Variants in PRKG1 observed in about 807,000 individuals in gnomAD.
PRKG1 encodes the protein protein kinase cGMP-dependent 1, also known as cGMP-dependent protein kinase 1.
A neutral mutation model predicts 88.1 loss-of-function variants in PRKG1; 35 were observed. The ratio of observed to expected loss-of-function variants is 0.40; its 90% CI spans 0.30 to 0.53. PRKG1 has a LOEUF of 0.53. PRKG1 is among the 20% of genes least tolerant of loss of function. PRKG1 has a pLI of 0.59. For missense variants in PRKG1, 540 were observed against 839.8 expected (o/e 0.64, Z 4.41); for synonymous variants, 303 against 292.5 (o/e 1.04, Z -0.37).
chr10:51,921,023 T>A (rs1374358925), intron 5 of PRKG1, among the ~76,000 whole-genome samples: 1 of 152,102 alleles, frequency 6.6e-6, no homozygotes, highest in Non-Finnish European at 1.5e-5. Flanking sequence ...ACAGTTCTAT[T>A]CTTTGGGTTT....
At chr10:51,785,709 T>C (rs181067997) in intron 3 of PRKG1, among the ~76,000 whole-genome samples, 15 of 152,212 alleles carry the variant, frequency 9.9e-5, no homozygotes, top group African/African-American at 3.6e-4. Flanking sequence ...CCTGTCAACA[T>C]GATGCCATGC....
At chr10:51,553,852 CGTGTATATAATAT>C in intron 3 of PRKG1, among the ~76,000 whole-genome samples, 2 of 97,702 alleles carry the variant, frequency 2.0e-5, no homozygotes, top group African/African-American at 7.9e-5. Context: ...GTATTAGATA[CGTGTATATAATAT>C]ATGTATGTAT....
At chr10:51,957,099 TTC>T (rs1226972611) in intron 5 of PRKG1, among the ~76,000 whole-genome samples, 1 of 112,960 alleles carries the variant, frequency 8.9e-6, no homozygotes, top group African/African-American at 3.6e-5. Context: ...TGTCTTTTCT[TTC>T]TCTCTCTCTT....
At chr10:51,425,175 A>G (rs1838540070) in intron 2 of PRKG1, among the ~76,000 whole-genome samples, 1 of 152,188 alleles carries the variant, frequency 6.6e-6, no homozygotes, top group Admixed American at 6.5e-5. Context: ...CAAATTCATG[A>G]TCATATTCTG....
chr10:51,074,976 G>C, intron 1 of PRKG1, 75 bp downstream of exon 1: 1 of 1,464,352 alleles, frequency 6.8e-7, no homozygotes, highest in Non-Finnish European at 9.1e-7. Flanking sequence ...ATTGTCTGTC[G>C]GCCCCCGCCC....
intron 3 of PRKG1, among the ~76,000 whole-genome samples, chr10:51,762,177 A>G (rs2132529249): frequency 6.6e-6 from 1 of 152,312 alleles, no homozygotes; most frequent in East Asian, 1.9e-4. Flanking sequence ...ATGTATTTCA[A>G]AGGATGGTGA....
intron 2 of PRKG1, among the ~76,000 whole-genome samples, chr10:51,316,661 G>A (rs907567448): frequency 6.7e-6 from 1 of 149,308 alleles, no homozygotes; most frequent in African/African-American, 2.4e-5. Flanking sequence ...CAGCCTGGGC[G>A]ACAAGAGCAA....
rs56404821 is a variant in PRKG1, at chr10:51,934,353, C to T, written c.762+26783C>T. Among the ~76,000 whole-genome samples, 1,080 of 151,862 alleles carry T rather than the reference C, an allele frequency of 7.1e-3. 16 individuals are homozygous for T. The highest frequency in any genetic ancestry group is 0.025 in the African/African-American group (1,017 of 41,388). On this transcript the variant is annotated intron_variant, in intron 5 of 17. Coordinates refer to ENST00000373980, the MANE Select transcript of PRKG1 (RefSeq NM_006258.4). ...CAATGTGCATTAAGGAACAATTCTA[C>T]ACACCCTCAGTTTTATGTTTTGAAA...
intron 3 of PRKG1, among the ~76,000 whole-genome samples, chr10:51,630,420 C>A (rs770517312): frequency 2.3e-4 from 35 of 152,118 alleles, no homozygotes; most frequent in Non-Finnish European, 4.1e-4. Flanking sequence ...ACCTGGGTAG[C>A]AAAACCAGAA....
Position 51,287,014 on chromosome 10 carries a change from T to C in PRKG1, c.478+133684T>C, listed in dbSNP as rs200120759. 2.6e-5 allele frequency among the ~76,000 whole-genome samples: 4 copies of C among 152,228 alleles called. No individual in the cohort carries two copies. In the East Asian group the frequency reaches 7.7e-4, roughly 29 times the overall value. On this transcript the variant is annotated intron_variant, in intron 2 of 17. Coordinates refer to ENST00000373980, the MANE Select transcript of PRKG1 (RefSeq NM_006258.4). Reference sequence around the variant, plus strand: ...CACCTCAGCCTCCCAAGTAGCTGTGTCTACAGGCATATGCCACCACGCTTT... The same window carrying C: ...CACCTCAGCCTCCCAAGTAGCTGTGCCTACAGGCATATGCCACCACGCTTT...
chr10:52,154,112 T>C (rs1229710901), intron 8 of PRKG1, among the ~76,000 whole-genome samples: 1 of 152,218 alleles, frequency 6.6e-6, no homozygotes, highest in Non-Finnish European at 1.5e-5. Flanking sequence ...CATTAGTAGC[T>C]AGTTCTATCA....
At chr10:52,208,910 A>T (rs748215928) in intron 9 of PRKG1, among the ~76,000 whole-genome samples, 55 of 152,226 alleles carry the variant, frequency 3.6e-4, no homozygotes, top group Non-Finnish European at 5.6e-4. Flanking sequence ...ACTTCAAAAC[A>T]CAATACTAAG....
chr10:51,219,032 A>G (rs1838453115), intron 2 of PRKG1, among the ~76,000 whole-genome samples: 1 of 152,184 alleles, frequency 6.6e-6, no homozygotes. Flanking sequence ...ATTAAATGAG[A>G]TGAAGCAGTT....
chr10:52,290,080 CAT>C (rs1842206771), intron 16 of PRKG1, 142 bp from the exon 17 acceptor site: 3 of 597,992 alleles, frequency 5.0e-6, no homozygotes, highest in African/African-American at 1.9e-5. Flanking sequence ...ATTAGGAAAA[CAT>C]ATGCAATTAA....
At chr10:51,776,031 C>T (rs1416729092) in intron 3 of PRKG1, among the ~76,000 whole-genome samples, 1 of 152,138 alleles carries the variant, frequency 6.6e-6, no homozygotes, top group East Asian at 1.9e-4. Context: ...GCAAGTTAGT[C>T]AACCTTTCTC....
chr10:51,276,806 G>A (rs565333458), intron 2 of PRKG1, among the ~76,000 whole-genome samples: 1 of 151,930 alleles, frequency 6.6e-6, no homozygotes, highest in Non-Finnish European at 1.5e-5. Flanking sequence ...ACTTTTTGAT[G>A]GGGTTGTTTT....
At chr10:51,040,456 T>A (rs996289566) in intron 1 of PRKG1, among the ~76,000 whole-genome samples, 4 of 151,366 alleles carry the variant, frequency 2.6e-5, no homozygotes, top group Non-Finnish European at 5.9e-5. Flanking sequence ...GCAGCTGGGA[T>A]TACAGGTGCC....
At chr10:51,158,111 C>T (rs1187535482) in intron 2 of PRKG1, among the ~76,000 whole-genome samples, 5 of 151,694 alleles carry the variant, frequency 3.3e-5, no homozygotes, top group African/African-American at 1.2e-4. Flanking sequence ...CTAGAACTTA[C>T]CAATTTTTTT....
intron 3 of PRKG1, among the ~76,000 whole-genome samples, chr10:51,727,639 C>G (rs12261243): frequency 6.6e-6 from 1 of 152,070 alleles, no homozygotes; most frequent in Non-Finnish European, 1.5e-5. Flanking sequence ...AGAGGCAGTA[C>G]CTTAAGTCTG....
Sources: gnomAD v4.1 joint callset for allele counts (sites outside exome capture counted in the v4.1 genomes callset) on GRCh38, gnomAD v4.1.1 for gene constraint, MANE v1.5 for transcripts, NCBI Gene and HGNC (gene_info 2026-07-23, HGNC 2026-07-21) for gene names.